The following NPAS3 variants were observed in gnomAD, a reference collection of about 807,000 sequenced individuals.
NPAS3 encodes the protein neuronal PAS domain-containing protein 3.
NPAS3 carries 14 observed loss-of-function variants against 73.1 expected under a neutral mutation model. The observed-to-expected ratio is 0.19, with a 90% CI of 0.13 to 0.30. The LOEUF (loss-of-function observed/expected upper bound fraction) is 0.30. Among genes scored for constraint, NPAS3 ranks in the 10% least tolerant of loss-of-function variants. NPAS3 has a pLI of 1.00. For synonymous variants in NPAS3, 620 were observed against 541.5 expected, an observed-to-expected ratio of 1.14 and a Z score of -2.01; for missense variants, 1,096 against 1,250.0, an observed-to-expected ratio of 0.88 and a Z score of 1.86.
intron 3 of NPAS3, among the ~76,000 whole-genome samples, chr14:33,317,083 T>G (rs1368127503): frequency 6.6e-6 from 1 of 152,072 alleles, no homozygotes; most frequent in African/African-American, 2.4e-5. Context: ...CTGAAGGATT[T>G]AAGGAAGCCA....
chr14:33,236,558 G>A (rs1478798288), intron 3 of NPAS3, among the ~76,000 whole-genome samples: 1 of 151,976 alleles, frequency 6.6e-6, no homozygotes, highest in African/African-American at 2.4e-5. Context: ...CGAATATCAG[G>A]TGCAGTGTGA....
At chr14:33,004,871 A>G (rs73266738) in intron 1 of NPAS3, among the ~76,000 whole-genome samples, 10,803 of 94,952 alleles carry the variant, frequency 0.11, 590 homozygotes, top group African/African-American at 0.17. Context: ...ACTAAGACAC[A>G]AACCTTCACA....
intron 5 of NPAS3, among the ~76,000 whole-genome samples, chr14:33,587,091 T>A (rs1179913261): frequency 6.6e-6 from 1 of 152,180 alleles, no homozygotes; most frequent in South Asian, 2.1e-4. Flanking sequence ...ACTTTCCCCA[T>A]CTGTATTTCC....
rs61973014 is a variant in NPAS3, at chr14:33,738,792, C to G, written c.852+3460C>G. ...GTTGTTTAGGCCTCACTGTTAGTCA[C>G]ATAGCATAGCACAGCTCTCATTTAA... On this transcript the variant is annotated intron_variant, in intron 7 of 11. Transcript: ENST00000356141. Among the ~76,000 whole-genome samples the G allele has an allele frequency of 2.1e-3, 315 of 152,330 alleles. 1 individual carries two copies. Among genetic ancestry groups the G allele is most frequent in the Non-Finnish European group, 3.8e-3 (258 of 68,028 alleles).
At chr14:33,413,378 G>A (rs1297790705) in intron 4 of NPAS3, among the ~76,000 whole-genome samples, 1 of 152,042 alleles carries the variant, frequency 6.6e-6, no homozygotes, top group Non-Finnish European at 1.5e-5. Flanking sequence ...ACTTGTGTCT[G>A]TGCTGTGACT....
chr14:33,523,623 T>G (rs1265993550), intron 4 of NPAS3, among the ~76,000 whole-genome samples: 1 of 150,546 alleles, frequency 6.6e-6, no homozygotes, highest in East Asian at 2.0e-4. Flanking sequence ...AGATAAAAAT[T>G]AAAAAAAATA....
chr14:32,935,872 A>C (rs902464306), upstream of NPAS3, among the ~76,000 whole-genome samples: 1 of 152,240 alleles, frequency 6.6e-6, no homozygotes, highest in African/African-American at 2.4e-5. Context: ...GCGCTGAGAA[A>C]AACTAACAAT....
chr14:33,180,734 G>A (rs1169626024), intron 2 of NPAS3, among the ~76,000 whole-genome samples: 1 of 147,040 alleles, frequency 6.8e-6, no homozygotes, highest in Non-Finnish European at 1.5e-5. Context: ...TGGAGGCGGA[G>A]CTTGCAGTGA....
chr14:33,376,329 T>G (rs909951074), intron 4 of NPAS3, among the ~76,000 whole-genome samples: 2 of 152,208 alleles, frequency 1.3e-5, no homozygotes, highest in Non-Finnish European at 2.9e-5. Context: ...TAACTCATTA[T>G]ATATAAAAAC....
intron 2 of NPAS3, among the ~76,000 whole-genome samples, chr14:33,112,939 T>G (rs916032066): frequency 2.0e-5 from 3 of 152,096 alleles, no homozygotes; most frequent in Non-Finnish European, 2.9e-5. Flanking sequence ...TTCCCCAGTT[T>G]TTGTTTTTGT....
chr14:33,364,528 G>A (rs942489784), intron 3 of NPAS3, among the ~76,000 whole-genome samples: 2 of 152,110 alleles, frequency 1.3e-5, no homozygotes, highest in East Asian at 3.8e-4. Flanking sequence ...TATAAATCAA[G>A]AGAAGTTCCA....
intron 3 of NPAS3, among the ~76,000 whole-genome samples, chr14:33,358,876 A>G (rs1227192883): frequency 2.6e-5 from 4 of 152,232 alleles, no homozygotes; most frequent in South Asian, 4.1e-4. Context: ...CTTCCATATT[A>G]TAAGGCTTCA....
chr14:33,062,595 T>A (rs1020507848), intron 2 of NPAS3, among the ~76,000 whole-genome samples: 2 of 152,326 alleles, frequency 1.3e-5, no homozygotes, highest in Non-Finnish European at 2.9e-5. Flanking sequence ...ATGAGAGAAG[T>A]GACTACCTAG....
At chr14:33,026,825 A>C (rs1179702854) in intron 1 of NPAS3, among the ~76,000 whole-genome samples, 2 of 152,154 alleles carry the variant, frequency 1.3e-5, no homozygotes, top group African/African-American at 2.4e-5. Flanking sequence ...TGTAAATAAC[A>C]ACAGATTTGG....
At chr14:33,595,051 T>TG (rs1220922095) in intron 5 of NPAS3, among the ~76,000 whole-genome samples, 1 of 152,236 alleles carries the variant, frequency 6.6e-6, no homozygotes, top group Non-Finnish European at 1.5e-5. Flanking sequence ...TGTTATGCCA[T>TG]GCAACTGATT....
chr14:33,158,299 A>G (rs772281967), intron 2 of NPAS3, among the ~76,000 whole-genome samples: 1 of 152,210 alleles, frequency 6.6e-6, no homozygotes, highest in African/African-American at 2.4e-5. Flanking sequence ...GGTGGGACTG[A>G]GAAATCTGTG....
At chr14:33,013,448 A>G in intron 1 of NPAS3, among the ~76,000 whole-genome samples, 1 of 152,166 alleles carries the variant, frequency 6.6e-6, no homozygotes, top group Non-Finnish European at 1.5e-5. Context: ...TAGTTTTACT[A>G]TCTCCCTTTT....
At chr14:33,521,955 A>G (rs2053576293) in intron 4 of NPAS3, among the ~76,000 whole-genome samples, 2 of 152,094 alleles carry the variant, frequency 1.3e-5, no homozygotes, top group African/African-American at 4.8e-5. Flanking sequence ...TACCTATTTG[A>G]TTAATTTGTA....
At chr14:33,665,961 A>G (rs893222401) in intron 5 of NPAS3, among the ~76,000 whole-genome samples, 1 of 152,180 alleles carries the variant, frequency 6.6e-6, no homozygotes, top group Non-Finnish European at 1.5e-5. Context: ...TGTGTAGGAT[A>G]AGAAGTTAGC....
Sources: gnomAD v4.1 joint callset for allele counts (sites outside exome capture counted in the v4.1 genomes callset) on GRCh38, gnomAD v4.1.1 for gene constraint, MANE v1.5 for transcripts, NCBI Gene and HGNC (gene_info 2026-07-23, HGNC 2026-07-21) for gene names.